The following NAALADL2 variants were observed in gnomAD, a reference collection of about 807,000 sequenced individuals.
NAALADL2 encodes the protein N-acetylated alpha-linked acidic dipeptidase like 2.
NAALADL2 carries 76 observed loss-of-function variants against 87.2 expected under a neutral mutation model. The observed-to-expected ratio is 0.87, with a 90% confidence interval of 0.72 to 1.05. The LOEUF is 1.05. Ranked by LOEUF, NAALADL2 falls within the 50% of genes least tolerant of loss-of-function variation. NAALADL2 has a pLI of 0.00. For synonymous variants in NAALADL2, 354 were observed against 331.0 expected, an observed-to-expected ratio of 1.07 and a Z score of -0.75; for missense variants, 1,089 against 945.8, an observed-to-expected ratio of 1.15 and a Z score of -1.99.
chr3:175,554,194 CAAGAG>C (rs1302195970), intron 9 of NAALADL2, among the ~76,000 whole-genome samples: 2 of 152,010 alleles, frequency 1.3e-5, no homozygotes, highest in African/African-American at 4.8e-5. Context: ...AAGCAGAGTA[CAAGAG>C]GAGACTTGTG....
chr3:175,131,171 AATTG>A (rs1727789282), intron 2 of NAALADL2, among the ~76,000 whole-genome samples: 1 of 112,432 alleles, frequency 8.9e-6, no homozygotes, highest in Non-Finnish European at 2.0e-5. Context: ...TTTTTTTTTT[AATTG>A]TTCATTCTTG....
intron 1 of NAALADL2, among the ~76,000 whole-genome samples, chr3:174,942,251 G>A (rs1290263446): frequency 6.6e-6 from 1 of 151,904 alleles, no homozygotes; most frequent in Non-Finnish European, 1.5e-5. Context: ...CTCAACATTT[G>A]CTTACCTGAA....
chr3:174,698,461 A>G (rs1013399029), intron 2 of NAALADL2, among the ~76,000 whole-genome samples: 1 of 152,138 alleles, frequency 6.6e-6, no homozygotes, highest in Non-Finnish European at 1.5e-5. Flanking sequence ...GAAGTCTACA[A>G]TGTAATTATC....
At chr3:174,961,199 G>T (rs1741941697) in intron 1 of NAALADL2, among the ~76,000 whole-genome samples, 1 of 150,406 alleles carries the variant, frequency 6.6e-6, no homozygotes, top group East Asian at 1.9e-4. Context: ...GCCCAGACTG[G>T]TCTCAAACTT....
chr3:175,461,801 G>A (rs186418450), intron 6 of NAALADL2, among the ~76,000 whole-genome samples: 8 of 152,264 alleles, frequency 5.3e-5, no homozygotes, highest in East Asian at 1.9e-4. Flanking sequence ...TATGTGGATC[G>A]TTTGGAACAA....
chr3:174,475,265 T>G (rs1395618677), intron 1 of NAALADL2, among the ~76,000 whole-genome samples: 1 of 151,840 alleles, frequency 6.6e-6, no homozygotes. Context: ...CTGACTTGAT[T>G]AAATAAAAAT....
intron 9 of NAALADL2, among the ~76,000 whole-genome samples, chr3:175,501,067 G>A (rs111900142): frequency 2.0e-4 from 30 of 152,144 alleles, no homozygotes; most frequent in African/African-American, 7.0e-4. Flanking sequence ...AGTTAGGATG[G>A]TTTCTGTGAT....
intron 1 of NAALADL2, among the ~76,000 whole-genome samples, chr3:175,045,893 C>T (rs1045594781): frequency 6.6e-6 from 1 of 151,996 alleles, no homozygotes; most frequent in Admixed American, 6.6e-5. Flanking sequence ...TTTTACTATT[C>T]GAGTATTCTT....
chr3:175,632,902 G>A (rs149341656), intron 11 of NAALADL2, among the ~76,000 whole-genome samples: 1 of 152,042 alleles, frequency 6.6e-6, no homozygotes, highest in African/African-American at 2.4e-5. Flanking sequence ...TTAAATAAAA[G>A]TTCAATTTCT....
intron 13 of NAALADL2, among the ~76,000 whole-genome samples, chr3:175,788,119 G>C (rs1400406806): frequency 7.2e-6 from 1 of 138,508 alleles, no homozygotes; most frequent in African/African-American, 2.8e-5. Context: ...TTGAGACAAG[G>C]TCTCACTTTG....
At chr3:175,672,131 G>A (rs545908563) in intron 11 of NAALADL2, among the ~76,000 whole-genome samples, 2 of 152,232 alleles carry the variant, frequency 1.3e-5, no homozygotes, top group East Asian at 3.9e-4. Context: ...GTTGCTGAGG[G>A]AGGGAAATGT....
chr3:174,960,002 A>G (rs898165780), intron 1 of NAALADL2, among the ~76,000 whole-genome samples: 4 of 151,976 alleles, frequency 2.6e-5, no homozygotes, highest in African/African-American at 7.2e-5. Flanking sequence ...CTGGCAATAG[A>G]CTTTAGGTCT....
In NAALADL2 at chr3:175,724,369, G is replaced by A. The variant is rs564318282; in HGVS notation, c.1897-12937G>A. Among the ~76,000 whole-genome samples the A allele has an allele frequency of 1.8e-4, 28 of 152,244 alleles. No individual in the cohort carries two copies. The South Asian group carries it at 5.8e-3, about 32-fold the overall frequency. On this transcript the variant is annotated intron_variant, in intron 11 of 13. Transcript: ENST00000454872. ...GAGCTTGACAGTGTGCTCTGTTGGTGCAGCTTCTTATTTACATACATGTAT... is the reference window on the plus strand; with the variant it reads ...GAGCTTGACAGTGTGCTCTGTTGGTACAGCTTCTTATTTACATACATGTAT...
chr3:175,329,505 G>A (rs1168977887), intron 5 of NAALADL2, among the ~76,000 whole-genome samples: 2 of 152,162 alleles, frequency 1.3e-5, no homozygotes, highest in Non-Finnish European at 2.9e-5. Flanking sequence ...ACTTGAGTTG[G>A]CACTAAATCA....
chr3:175,545,117 T>C (rs1216377570), intron 9 of NAALADL2, among the ~76,000 whole-genome samples: 1 of 152,198 alleles, frequency 6.6e-6, no homozygotes, highest in African/African-American at 2.4e-5. Flanking sequence ...GGCCAGCAGA[T>C]ATTATTATAC....
At chr3:174,919,287 G>C (rs969916267) in intron 1 of NAALADL2, among the ~76,000 whole-genome samples, 1 of 152,030 alleles carries the variant, frequency 6.6e-6, no homozygotes, top group Middle Eastern at 3.2e-3. Flanking sequence ...CAATGCTATT[G>C]AATAGCATTT....
chr3:175,181,701 A>ATATATATATATG (rs1736513549), intron 2 of NAALADL2, among the ~76,000 whole-genome samples: 1 of 108,240 alleles, frequency 9.2e-6, no homozygotes, highest in African/African-American at 3.8e-5. Flanking sequence ...ATATATATAT[A>ATATATATATATG]TATGTGTGTG....
At chr3:175,240,646 TTTTGTTTG>T (rs899079966) in intron 3 of NAALADL2, among the ~76,000 whole-genome samples, 2 of 152,146 alleles carry the variant, frequency 1.3e-5, no homozygotes, top group African/African-American at 2.4e-5. Context: ...ACTTCGAAGT[TTTTGTTTG>T]TTTGTTTGTT....
chr3:175,112,263 C>T (rs1724317597), intron 2 of NAALADL2, among the ~76,000 whole-genome samples: 1 of 151,510 alleles, frequency 6.6e-6, no homozygotes, highest in African/African-American at 2.4e-5. Context: ...CTCAACTTTA[C>T]ATTCTTTTCC....
Sources: gnomAD v4.1 joint callset for allele counts (sites outside exome capture counted in the v4.1 genomes callset) on GRCh38, gnomAD v4.1.1 for gene constraint, MANE v1.5 for transcripts, NCBI Gene and HGNC (gene_info 2026-07-23, HGNC 2026-07-21) for gene names.